Variants in CAST observed in about 807,000 individuals in gnomAD.
CAST encodes MIR583 host.
In CAST, 76 loss-of-function variants were observed where a neutral mutation model predicts 119.6. The ratio of observed to expected loss-of-function variants is 0.64; its 90% CI spans 0.53 to 0.77. CAST has a LOEUF of 0.77. CAST is among the 30% of genes least tolerant of loss of function. CAST has a pLI of 0.00. For synonymous variants in CAST, 319 were observed against 331.6 expected (o/e 0.96, Z 0.41); for missense variants, 953 against 946.5 (o/e 1.01, Z -0.09).
intron 1 of CAST, among the ~76,000 whole-genome samples, chr5:96,533,036 AAT>A (rs1163459318): frequency 2.3e-5 from 3 of 128,616 alleles, no homozygotes; most frequent in African/African-American, 5.7e-5. Flanking sequence ...AAAAAAAAAA[AAT>A]AAAAATAAAA....
At chr5:96,180,539 A>G in the CAST span, among the ~76,000 whole-genome samples, 3 of 152,346 alleles carry the variant, frequency 2.0e-5, no homozygotes, top group South Asian at 6.2e-4. Context: ...TCATATGAAA[A>G]CATTTTCATT....
chr5:96,632,000 C>T (rs1261540015), intron 1 of CAST, among the ~76,000 whole-genome samples: 3 of 149,494 alleles, frequency 2.0e-5, no homozygotes, highest in South Asian at 2.1e-4. Flanking sequence ...ACATCCTCGC[C>T]AACACTTGTT....
the CAST span, among the ~76,000 whole-genome samples, chr5:96,484,195 A>C: frequency 2.0e-5 from 3 of 152,208 alleles, no homozygotes; most frequent in East Asian, 5.8e-4. Flanking sequence ...AATTTCTCTA[A>C]GCCTACTCCT....
At chr5:96,567,209 TCTC>T (rs1012281768) in intron 1 of CAST, among the ~76,000 whole-genome samples, 6 of 152,172 alleles carry the variant, frequency 3.9e-5, no homozygotes, top group African/African-American at 1.4e-4. Context: ...ACGTTTTTCC[TCTC>T]CTCAAGATCT....
At chr5:96,074,889 A>G in the CAST span, among the ~76,000 whole-genome samples, 1 of 152,190 alleles carries the variant, frequency 6.6e-6, no homozygotes, top group African/African-American at 2.4e-5. Flanking sequence ...CATATTCCTC[A>G]TCCCTAACTT....
At chr5:96,270,027 A>G in the CAST span, among the ~76,000 whole-genome samples, 1 of 152,206 alleles carries the variant, frequency 6.6e-6, no homozygotes, top group African/African-American at 2.4e-5. Context: ...CAACACATTA[A>G]AAAGATCATT....
the CAST span, among the ~76,000 whole-genome samples, chr5:96,053,059 C>T: frequency 6.6e-6 from 1 of 152,236 alleles, no homozygotes; most frequent in South Asian, 2.1e-4. Context: ...AAAGCCCATG[C>T]TCTCATTTCA....
the CAST span, among the ~76,000 whole-genome samples, chr5:96,104,950 C>G: frequency 1.1e-5 from 1 of 88,502 alleles, no homozygotes; most frequent in Non-Finnish European, 2.2e-5. Flanking sequence ...AGGTCCTTCA[C>G]ATCCCTTGTA....
chr5:96,514,714 G>A, the CAST span, among the ~76,000 whole-genome samples: 1 of 152,006 alleles, frequency 6.6e-6, no homozygotes, highest in African/African-American at 2.4e-5. Context: ...TATTGTGTTT[G>A]TGCTATTTCC....
At chr5:96,411,190 G>A in the CAST span, among the ~76,000 whole-genome samples, 1 of 152,240 alleles carries the variant, frequency 6.6e-6, no homozygotes, top group Non-Finnish European at 1.5e-5. Flanking sequence ...GGCCCTGCCA[G>A]TCTCTGGGCC....
At chr5:96,484,414 A>G in the CAST span, among the ~76,000 whole-genome samples, 1 of 152,208 alleles carries the variant, frequency 6.6e-6, no homozygotes, top group Non-Finnish European at 1.5e-5. Flanking sequence ...CTGTTTTTAA[A>G]TCAAGTACAA....
At chr5:96,119,108 T>C in the CAST span, among the ~76,000 whole-genome samples, 2 of 152,300 alleles carry the variant, frequency 1.3e-5, no homozygotes, top group East Asian at 3.9e-4. Context: ...TGCCATAGAC[T>C]TAATCTGGTT....
At chr5:96,731,535 G>A (rs1430522788) in intron 9 of CAST, among the ~76,000 whole-genome samples, 180 of 143,712 alleles carry the variant, frequency 1.3e-3, no homozygotes, top group African/African-American at 4.5e-3. Flanking sequence ...AAGTTTTAGG[G>A]TACATGTGCA....
chr5:96,394,086 G>A, the CAST span, among the ~76,000 whole-genome samples: 1 of 152,214 alleles, frequency 6.6e-6, no homozygotes, highest in African/African-American at 2.4e-5. Flanking sequence ...CAGTTCATGT[G>A]TAAGTTTCTT....
chr5:96,448,760 A>C, the CAST span, among the ~76,000 whole-genome samples: 3 of 152,134 alleles, frequency 2.0e-5, no homozygotes, highest in African/African-American at 7.2e-5. Context: ...CATAAACATC[A>C]TATCACTGAT....
chr5:96,378,487 C>T, the CAST span, among the ~76,000 whole-genome samples: 1 of 152,060 alleles, frequency 6.6e-6, no homozygotes. Flanking sequence ...GTCAATTATA[C>T]CTTGATAAAC....
At chr5:96,365,722 G>A in the CAST span, among the ~76,000 whole-genome samples, 2 of 152,116 alleles carry the variant, frequency 1.3e-5, no homozygotes, top group Non-Finnish European at 2.9e-5. Context: ...GTGTGTCTCT[G>A]CACATGAGAT....
At chr5:96,725,703 G>A (rs1759129775) in intron 4 of CAST, among the ~76,000 whole-genome samples, 1 of 152,144 alleles carries the variant, frequency 6.6e-6, no homozygotes, top group South Asian at 2.1e-4. Flanking sequence ...ATTCTTAATT[G>A]TAGTGTAGGT....
chr5:96,002,673 G>T, the CAST span, among the ~76,000 whole-genome samples: 1 of 152,130 alleles, frequency 6.6e-6, no homozygotes, highest in Non-Finnish European at 1.5e-5. Context: ...AACTCTCCAT[G>T]CCCACATGGA....
Sources: allele counts gnomAD v4.1 joint callset (sites outside exome capture counted in the v4.1 genomes callset), GRCh38; gene constraint gnomAD v4.1.1; transcripts MANE v1.5; gene names NCBI Gene and HGNC (gene_info 2026-07-23, HGNC 2026-07-21).